IGSF11: variants seen among roughly 807,000 people sequenced by gnomAD.
IGSF11 encodes CXADR like 1.
In IGSF11, 22 loss-of-function variants were observed where a neutral mutation model predicts 41.0. The ratio of observed to expected loss-of-function variants is 0.54; its 90% CI spans 0.38 to 0.77. The LOEUF is 0.77. IGSF11 is among the 30% of genes least tolerant of loss of function. The pLI is 0.00. For synonymous variants in IGSF11, 219 were observed against 201.3 expected (o/e 1.09, Z -0.74); for missense variants, 444 against 530.8 (o/e 0.84, Z 1.61).
intron 1 of IGSF11, among the ~76,000 whole-genome samples, chr3:119,136,122 T>G (rs1452709670): frequency 6.6e-6 from 1 of 151,998 alleles, no homozygotes; most frequent in African/African-American, 2.4e-5. Flanking sequence ...AAATGACGAG[T>G]TGATGGGTGC....
At chr3:119,051,736 A>G in intron 1 of IGSF11, among the ~76,000 whole-genome samples, 2 of 152,302 alleles carry the variant, frequency 1.3e-5, no homozygotes, top group Middle Eastern at 3.4e-3. Context: ...GTCACAAAAC[A>G]AGTCTCAATA....
chr3:118,936,276 G>A (rs1196914970), intron 1 of IGSF11, among the ~76,000 whole-genome samples: 1 of 152,062 alleles, frequency 6.6e-6, no homozygotes, highest in Non-Finnish European at 1.5e-5. Flanking sequence ...GGAGGCTGAG[G>A]CAGGCAGATC....
At chr3:119,007,668 C>T (rs1447581666) in intron 1 of IGSF11, among the ~76,000 whole-genome samples, 1 of 152,104 alleles carries the variant, frequency 6.6e-6, no homozygotes, top group Non-Finnish European at 1.5e-5. Context: ...GGGTAAGCCC[C>T]ATCCTTGCTT....
intron 1 of IGSF11, among the ~76,000 whole-genome samples, chr3:118,954,367 A>C (rs540950098): frequency 6.6e-6 from 1 of 152,212 alleles, no homozygotes; most frequent in African/African-American, 2.4e-5. Context: ...CTTTTTACTT[A>C]GCCTTGTTTG....
intron 1 of IGSF11, among the ~76,000 whole-genome samples, chr3:119,088,077 T>C (rs938346719): frequency 3.9e-5 from 6 of 152,068 alleles, no homozygotes; most frequent in African/African-American, 1.4e-4. Flanking sequence ...CTGGACCTAA[T>C]AGACATTTAC....
chr3:119,034,071 C>T (rs1246215026), intron 1 of IGSF11, among the ~76,000 whole-genome samples: 2 of 152,162 alleles, frequency 1.3e-5, no homozygotes, highest in African/African-American at 4.8e-5. Context: ...CATTTTCGGC[C>T]AAAACGTGTA....
At position 119,079,922 on chromosome 3, in the gene IGSF11, C is replaced by T. The variant is rs532983247; in HGVS notation, c.49+25222G>A. Among the ~76,000 whole-genome samples, 7 of 152,252 alleles carry T rather than the reference C, an allele frequency of 4.6e-5. No individual in the cohort carries two copies. The East Asian group carries it at 1.2e-3, about 25-fold the overall frequency. ...GAGAAGGGTAAGGATCAAAAGACTA[C>T]CTATCGGGTACTACGCTCACTACCT... On this transcript the variant is annotated intron_variant, in intron 1 of 6. Transcript: ENST00000354673.
upstream of IGSF11, among the ~76,000 whole-genome samples, chr3:119,110,022 T>C (rs1197199807): frequency 2.6e-5 from 4 of 152,174 alleles, no homozygotes; most frequent in Non-Finnish European, 5.9e-5. Context: ...ATGTGGTCAA[T>C]TTTGGAATAG....
chr3:118,926,983 G>T (rs372399217), intron 3 of IGSF11, among the ~76,000 whole-genome samples: 1 of 152,148 alleles, frequency 6.6e-6, no homozygotes. Context: ...TCTAATTTAT[G>T]ATTTATTTGT....
chr3:119,063,903 G>A (rs1202071800), intron 1 of IGSF11, among the ~76,000 whole-genome samples: 2 of 152,228 alleles, frequency 1.3e-5, no homozygotes, highest in Admixed American at 1.3e-4. Flanking sequence ...GTGCAAGGAG[G>A]CACTGCTGCA....
chr3:119,119,794 T>C (rs966529850), intron 1 of IGSF11, among the ~76,000 whole-genome samples: 1 of 152,116 alleles, frequency 6.6e-6, no homozygotes, highest in Admixed American at 6.5e-5. Flanking sequence ...CAGGCAATTA[T>C]CAAAACAATA....
intron 1 of IGSF11, among the ~76,000 whole-genome samples, chr3:119,079,222 G>C (rs540355792): frequency 9.9e-5 from 15 of 152,122 alleles, no homozygotes; most frequent in Non-Finnish European, 2.2e-4. Flanking sequence ...AGCCGGGTGT[G>C]GTGGTGGGTG....
chr3:119,001,161 T>G (rs1576601551), intron 1 of IGSF11, among the ~76,000 whole-genome samples: 1 of 151,492 alleles, frequency 6.6e-6, no homozygotes, highest in Non-Finnish European at 1.5e-5. Flanking sequence ...AATTGGCACT[T>G]AGTCATTTAA....
intron 1 of IGSF11, among the ~76,000 whole-genome samples, chr3:118,985,931 C>T (rs1053087163): frequency 6.6e-6 from 1 of 152,094 alleles, no homozygotes; most frequent in African/African-American, 2.4e-5. Flanking sequence ...AAATGAATGG[C>T]CCCCATTCTT....
intron 1 of IGSF11, among the ~76,000 whole-genome samples, chr3:118,996,114 A>G (rs1936248410): frequency 6.6e-6 from 1 of 152,202 alleles, no homozygotes; most frequent in African/African-American, 2.4e-5. Context: ...GGTGAAGGGA[A>G]ATGACTCGGT....
At chr3:118,973,898 C>A (rs917947028) in intron 1 of IGSF11, among the ~76,000 whole-genome samples, 1 of 151,994 alleles carries the variant, frequency 6.6e-6, no homozygotes, top group Non-Finnish European at 1.5e-5. Context: ...GGGAGCTGAA[C>A]AATGAGAACA....
intron 1 of IGSF11, among the ~76,000 whole-genome samples, chr3:119,102,742 C>T (rs904188731): frequency 1.3e-5 from 2 of 152,060 alleles, no homozygotes; most frequent in Non-Finnish European, 2.9e-5. Context: ...TGCTTTTCTT[C>T]ATTCCATCTC....
At chr3:118,994,728 A>G (rs1936106668) in intron 1 of IGSF11, among the ~76,000 whole-genome samples, 1 of 152,248 alleles carries the variant, frequency 6.6e-6, no homozygotes, top group Non-Finnish European at 1.5e-5. Flanking sequence ...AGACAGATAC[A>G]TATGCCCATG....
intron 1 of IGSF11, among the ~76,000 whole-genome samples, chr3:119,058,296 A>T (rs969867416): frequency 2.6e-5 from 4 of 152,230 alleles, no homozygotes; most frequent in Non-Finnish European, 5.9e-5. Flanking sequence ...AAACAACCCC[A>T]TCAAAAAGTG....
Sources: gnomAD v4.1 joint callset for allele counts (sites outside exome capture counted in the v4.1 genomes callset) on GRCh38, gnomAD v4.1.1 for gene constraint, MANE v1.5 for transcripts, NCBI Gene and HGNC (gene_info 2026-07-23, HGNC 2026-07-21) for gene names.